The following SCAF4 variants were observed in gnomAD, a reference collection of about 807,000 sequenced individuals.
The protein encoded by SCAF4 is SR-related CTD associated factor 4, also known as SR-related and CTD-associated factor 4.
In SCAF4, 25 loss-of-function variants were observed where a neutral mutation model predicts 129.8. The observed-to-expected ratio is 0.19, with a 90% confidence interval of 0.14 to 0.27. The LOEUF (loss-of-function observed/expected upper bound fraction) is 0.27, where lower values mean the gene tolerates loss of function less well. Among genes scored for constraint, SCAF4 ranks in the 10% least tolerant of loss-of-function variants. The pLI is 1.00. For missense variants in SCAF4, 1,246 were observed against 1,457.1 expected (o/e 0.86, Z 2.36); for synonymous variants, 551 against 497.7 (o/e 1.11, Z -1.43).
rs372921953 is a variant in SCAF4 at position 31,729,188 on chromosome 21, T to A, written c.30+2475A>T. On this transcript the variant is annotated intron_variant, in intron 1 of 19. Transcript: ENST00000286835. ...GAAATTCAAACACATTAGGCAAACA[T>A]GAAACTTGTCAGGCCCAAACTACTT... Among the ~76,000 whole-genome samples, 13 of 152,348 alleles carry A rather than the reference T, an allele frequency of 8.5e-5. No individual in the cohort carries two copies. The South Asian group carries it at 2.3e-3, about 27-fold the overall frequency.
At chr21:31,711,369 C>T (rs1261078008) in intron 1 of SCAF4, among the ~76,000 whole-genome samples, 1 of 152,192 alleles carries the variant, frequency 6.6e-6, no homozygotes, top group Non-Finnish European at 1.5e-5. Flanking sequence ...TACAGCAATG[C>T]CTTCACTGAA....
intron 9 of SCAF4, among the ~76,000 whole-genome samples, chr21:31,695,522 T>C (rs749888055): frequency 1.4e-4 from 21 of 152,208 alleles, no homozygotes; most frequent in Non-Finnish European, 2.2e-4. Context: ...AATAAAACTA[T>C]AAATATAATG....
At chr21:31,686,670 G>A (rs1045275327) in intron 16 of SCAF4, among the ~76,000 whole-genome samples, 2 of 151,772 alleles carry the variant, frequency 1.3e-5, no homozygotes, top group African/African-American at 4.8e-5. Flanking sequence ...GTTAGGAAAC[G>A]GGCCACACAG....
intron 1 of SCAF4, among the ~76,000 whole-genome samples, chr21:31,728,660 T>C (rs1409510035): frequency 6.6e-6 from 1 of 152,138 alleles, no homozygotes; most frequent in Non-Finnish European, 1.5e-5. Flanking sequence ...TGTGTACATA[T>C]CTAATGCCTG....
chr21:31,715,479 T>TA (rs931800913), intron 1 of SCAF4, among the ~76,000 whole-genome samples: 17 of 151,972 alleles, frequency 1.1e-4, no homozygotes, highest in East Asian at 9.7e-4. Context: ...ATTTATTACC[T>TA]AAAAAAAATA....
intron 19 of SCAF4, among the ~76,000 whole-genome samples, chr21:31,674,767 GA>G (rs2049807770): frequency 6.6e-6 from 1 of 152,174 alleles, no homozygotes; most frequent in South Asian, 2.1e-4. Flanking sequence ...TGATATCACT[GA>G]TGAGTTTTCT....
In SCAF4 at chr21:31,685,134, G is replaced by C; in HGVS notation, c.2403C>G (p.Ser801Arg). 1 of 1,612,714 alleles carries C rather than the reference G, an allele frequency of 6.2e-7. No homozygotes were observed. The highest frequency in any genetic ancestry group is 1.1e-5 in the South Asian group (1 of 91,026). ...GCACGGCAGAGCCATACATTTTCACGCTGTCACCAGACTCGGCGTTTCCTC... is the reference window on the plus strand; with the variant it reads ...GCACGGCAGAGCCATACATTTTCACCCTGTCACCAGACTCGGCGTTTCCTC... ...GARGNAESGD[S>R]VKMYGSAVPP... Residue 801 changes from serine to arginine, a missense_variant, in exon 19 of 20, where the codon AGC (serine) becomes AGG (arginine). Ser to Arg is a moderately radical substitution (Grantham distance 110). This residue lies in a region of SCAF4 where 468 missense variants were observed against 605.5 expected (regional missense o/e 0.77). Transcript: ENST00000286835.
At chr21:31,706,887 T>C (rs1277306128) in intron 1 of SCAF4, 1 of 304,956 alleles carries the variant, frequency 3.3e-6, no homozygotes, top group African/African-American at 2.3e-5. Context: ...CCATGTCTTA[T>C]CAGTGGTCTC....
At position 31,690,962 on chromosome 21, in the gene SCAF4, C is replaced by G. The variant is rs773632592; in HGVS notation, c.1729-9G>C. 1.9e-6 allele frequency: 3 copies of G among 1,596,378 alleles called. No homozygotes were observed. The Admixed American group carries it at 5.3e-5, about 28-fold the overall frequency. ...TTTAAGGCCCAGGCAATCTATTTCACCATTAGTGAAAATATAAAAAGAAAA... is the reference window on the plus strand; with the variant it reads ...TTTAAGGCCCAGGCAATCTATTTCAGCATTAGTGAAAATATAAAAAGAAAA... On this transcript the variant is annotated splice_polypyrimidine_tract_variant and intron_variant, in intron 14 of 19. Coordinates refer to ENST00000286835, the MANE Select transcript of SCAF4 (RefSeq NM_020706.2).
chr21:31,731,576 C>A (rs2051360285), intron 1 of SCAF4, 87 bp downstream of exon 1: 2 of 1,486,756 alleles, frequency 1.3e-6, no homozygotes, highest in South Asian at 1.2e-5. Context: ...CCCACCCGGA[C>A]CAAAGCTTTA....
chr21:31,688,245 G>A (rs1201298081), intron 16 of SCAF4, 62 bp downstream of exon 16: 2 of 1,517,372 alleles, frequency 1.3e-6, no homozygotes, highest in Admixed American at 1.9e-5. Flanking sequence ...TATATCTACA[G>A]TAAGATTTAG....
At chr21:31,691,721 G>A (rs1416894712) in intron 14 of SCAF4, 96 bp downstream of exon 14, 5 of 372,918 alleles carry the variant, frequency 1.3e-5, no homozygotes, top group South Asian at 1.3e-4. Flanking sequence ...AGTGTTGAAA[G>A]TCATTTCGAA....
At chr21:31,716,601 A>T (rs1170382568) in intron 1 of SCAF4, among the ~76,000 whole-genome samples, 11 of 152,148 alleles carry the variant, frequency 7.2e-5, no homozygotes, top group Non-Finnish European at 1.5e-5. Context: ...TCTTAACAAA[A>T]GATAATTTTA....
In SCAF4 at chr21:31,696,219, C is replaced by G. The variant is rs1260587511; in HGVS notation, c.962G>C (p.Gly321Ala). Reference protein sequence around the residue: ...ASPPPPQAPFGFPGDGMQQPA... With the variant: ...ASPPPPQAPFAFPGDGMQQPA... ...CTGCTGCATGCCATCTCCAGGAAAG[C>G]CACTAAAAAAAGGTGGATAATCTTT... The change falls in exon 9 of 20, where the codon GGC becomes GCC. Residue 321 changes from glycine to alanine, a missense_variant and splice_region_variant. Physicochemically the swap from Gly to Ala is moderately conservative, Grantham distance 60. Coordinates refer to ENST00000286835, the MANE Select transcript of SCAF4 (RefSeq NM_020706.2). 2.5e-6 allele frequency: 4 copies of G among 1,610,848 alleles called. No homozygotes were observed. Among genetic ancestry groups the G allele is most frequent in the Non-Finnish European group, 3.4e-6 (4 of 1,178,620 alleles).
intron 1 of SCAF4, among the ~76,000 whole-genome samples, chr21:31,720,630 G>A (rs148169218): frequency 3.3e-5 from 5 of 152,320 alleles, no homozygotes; most frequent in African/African-American, 1.2e-4. Context: ...TTTACACTGT[G>A]TGACCTCAGA....
Position 31,671,251 on chromosome 21 carries a change from T to C in SCAF4, c.*148A>G. ...TTGTTATTTTGTGGCTATTTTTAAA[T>C]AGAAGGGAAGCAATCAAATTGCTTA... On this transcript the variant is annotated 3_prime_UTR_variant, in exon 20 of 20. Transcript: ENST00000286835. The C allele has an allele frequency of 2.9e-6, 2 of 681,842 alleles. No individual in the cohort carries two copies. Among genetic ancestry groups the C allele is most frequent in the East Asian group, 2.9e-5 (1 of 34,740 alleles). The allele number at this position is 681,842 out of a possible 1,614,324, so 42.2% of individuals were successfully genotyped here. A position where few individuals can be genotyped will look rare whatever the true frequency, so the allele number is the denominator to read the frequency against.
Position 31,712,898 on chromosome 21 carries a change from A to T in SCAF4, c.31-6541T>A, listed in dbSNP as rs146650210. Reference sequence around the variant, plus strand: ...AAAACTGTTAATAGCATGAAATGAAAGCATCTAAAATAATCAGTGCTTAAT... The same window carrying T: ...AAAACTGTTAATAGCATGAAATGAATGCATCTAAAATAATCAGTGCTTAAT... On this transcript the variant is annotated intron_variant, in intron 1 of 19. Coordinates refer to ENST00000286835, the MANE Select transcript of SCAF4 (RefSeq NM_020706.2). The T allele has an allele frequency of 7.2e-6, 7 of 970,124 alleles. No individual in the cohort carries two copies. In the East Asian group the frequency reaches 8.0e-4, roughly 111 times the overall value. 60.1% of individuals were successfully genotyped at this position (970,124 alleles called of 1,614,324 possible).
Position 31,727,086 on chromosome 21 carries a change from T to C in SCAF4, c.30+4577A>G, listed in dbSNP as rs572144227. On this transcript the variant is annotated intron_variant, in intron 1 of 19. Coordinates refer to ENST00000286835, the MANE Select transcript of SCAF4 (RefSeq NM_020706.2). ...CTCTGCACTATTTTTGTACTTTTTT[T>C]TCTTTTTTTTAAGATGGACTCTCAC... Among the ~76,000 whole-genome samples the C allele has an allele frequency of 7.2e-5, 11 of 152,304 alleles. No homozygotes were observed. In the South Asian group the frequency reaches 2.3e-3, roughly 32 times the overall value.
At chr21:31,715,208 G>A (rs1259212082) in intron 1 of SCAF4, among the ~76,000 whole-genome samples, 1 of 151,894 alleles carries the variant, frequency 6.6e-6, no homozygotes, top group Non-Finnish European at 1.5e-5. Context: ...TTGGCTCATG[G>A]CCTCTTCTTC....
Sources: gnomAD v4.1 joint callset for allele counts (sites outside exome capture counted in the v4.1 genomes callset) on GRCh38, gnomAD v4.1.1 for gene constraint, gnomAD v4.1.1 regional missense constraint, MANE v1.5 for transcripts, NCBI Gene and HGNC (gene_info 2026-07-23, HGNC 2026-07-21) for gene names.